The following SMYD3 variants were observed in gnomAD, a reference collection of about 807,000 sequenced individuals.
SMYD3 encodes the protein histone-lysine N-methyltransferase SMYD3.
In SMYD3, 36 loss-of-function variants were observed where a neutral mutation model predicts 57.7. The ratio of observed to expected loss-of-function variants is 0.62; its 90% confidence interval spans 0.48 to 0.82. The LOEUF is 0.82. Ranked by LOEUF, SMYD3 falls within the 40% of genes least tolerant of loss-of-function variation. The pLI is 0.00. For missense variants in SMYD3, 515 were observed against 538.8 expected (o/e 0.96, Z 0.44); for synonymous variants, 211 against 195.0 (o/e 1.08, Z -0.68).
At chr1:245,993,297 GA>G (rs1167118697) in intron 5 of SMYD3, among the ~76,000 whole-genome samples, 1 of 152,008 alleles carries the variant, frequency 6.6e-6, no homozygotes, top group Non-Finnish European at 1.5e-5. Context: ...GTCAGGATTC[GA>G]ACCTAAGTGG....
intron 10 of SMYD3, among the ~76,000 whole-genome samples, chr1:245,821,080 C>G (rs1456821702): frequency 6.7e-6 from 1 of 150,302 alleles, no homozygotes; most frequent in Middle Eastern, 3.4e-3. Context: ...AAAGAGCCTG[C>G]ATCTCCAAGT....
intron 1 of SMYD3, among the ~76,000 whole-genome samples, chr1:246,358,112 G>A (rs1411249124): frequency 6.6e-6 from 1 of 152,092 alleles, no homozygotes; most frequent in Non-Finnish European, 1.5e-5. Context: ...AAGGTAAAGG[G>A]GTGGAAAATG....
At chr1:245,876,241 G>A (rs1049478103) in intron 8 of SMYD3, among the ~76,000 whole-genome samples, 3 of 152,154 alleles carry the variant, frequency 2.0e-5, no homozygotes, top group African/African-American at 7.2e-5. Flanking sequence ...TCTCCTCTTT[G>A]CTGTAAGGGC....
chr1:246,147,916 C>G (rs1010310464), intron 5 of SMYD3, among the ~76,000 whole-genome samples: 1 of 152,174 alleles, frequency 6.6e-6, no homozygotes, highest in African/African-American at 2.4e-5. Context: ...ACCCGCCCCC[C>G]ACTTCATCCC....
At chr1:245,758,248 C>T (rs565004477) in intron 11 of SMYD3, among the ~76,000 whole-genome samples, 2 of 152,170 alleles carry the variant, frequency 1.3e-5, no homozygotes, top group South Asian at 4.2e-4. Flanking sequence ...TATCCTGCTA[C>T]CTTGCTTAAT....
intron 5 of SMYD3, among the ~76,000 whole-genome samples, chr1:245,978,104 G>T (rs1352483160): frequency 6.6e-6 from 1 of 152,194 alleles, no homozygotes; most frequent in Non-Finnish European, 1.5e-5. Context: ...TGTAGGAGCT[G>T]AGTGAACATG....
rs902679606 is a variant in SMYD3, at chr1:246,315,633, C to T, written c.531+11568G>A. On this transcript the variant is annotated intron_variant, in intron 5 of 11. Transcript: ENST00000490107. ...AGGACACGCTGATACGTTGTTGGAA[C>T]GCTCTGGTTATAAAGCTCTTCTAGA... Among the ~76,000 whole-genome samples the T allele has an allele frequency of 1.1e-4, 17 of 152,220 alleles. 1 individual carries two copies. The highest frequency in any genetic ancestry group is 3.9e-4 in the African/African-American group (16 of 41,552).
At chr1:246,468,160 T>TAAAA (rs58291905) in intron 1 of SMYD3, among the ~76,000 whole-genome samples, 3 of 130,472 alleles carry the variant, frequency 2.3e-5, no homozygotes, top group African/African-American at 5.7e-5. Flanking sequence ...GACTCTGTCT[T>TAAAA]AAAAAAAAAA....
intron 5 of SMYD3, among the ~76,000 whole-genome samples, chr1:246,046,622 A>T (rs1305463888): frequency 2.0e-5 from 3 of 148,556 alleles, no homozygotes; most frequent in East Asian, 3.9e-4. Context: ...CTTAAAATGC[A>T]ATAAAATATA....
At chr1:246,043,468 C>T (rs1053024256) in intron 5 of SMYD3, among the ~76,000 whole-genome samples, 1 of 152,156 alleles carries the variant, frequency 6.6e-6, no homozygotes, top group Non-Finnish European at 1.5e-5. Context: ...ACAACCAAAA[C>T]AAGGTGACTA....
chr1:245,979,418 T>C (rs1157596615), intron 5 of SMYD3, among the ~76,000 whole-genome samples: 1 of 152,120 alleles, frequency 6.6e-6, no homozygotes. Flanking sequence ...TAGGAAAAGA[T>C]CACACTAGAG....
At chr1:246,267,096 A>T (rs913686373) in intron 5 of SMYD3, among the ~76,000 whole-genome samples, 1 of 152,176 alleles carries the variant, frequency 6.6e-6, no homozygotes, top group Admixed American at 6.5e-5. Flanking sequence ...ATTCACTTTG[A>T]AACTTTTTAT....
At chr1:245,961,701 T>C (rs2058013385) in intron 5 of SMYD3, among the ~76,000 whole-genome samples, 1 of 152,142 alleles carries the variant, frequency 6.6e-6, no homozygotes, top group Non-Finnish European at 1.5e-5. Flanking sequence ...CACACAGTGC[T>C]CTAAGGAACC....
intron 8 of SMYD3, among the ~76,000 whole-genome samples, chr1:245,911,549 C>A (rs765521973): frequency 3.3e-5 from 5 of 150,840 alleles, no homozygotes; most frequent in Admixed American, 2.0e-4. Context: ...GAATATAGTT[C>A]CTCTATGAAA....
intron 5 of SMYD3, among the ~76,000 whole-genome samples, chr1:246,108,472 C>G (rs7525443): frequency 0.18 from 26,991 of 152,110 alleles, 3,111 homozygotes; most frequent in East Asian, 0.41. Flanking sequence ...CCCTCTTCAA[C>G]AATCTTTGCT....
intron 5 of SMYD3, among the ~76,000 whole-genome samples, chr1:246,146,399 A>C (rs527401346): frequency 6.6e-6 from 1 of 152,318 alleles, no homozygotes; most frequent in Non-Finnish European, 1.5e-5. Context: ...ACCTCAGTAG[A>C]ACACGTACCT....
At chr1:246,150,065 G>T (rs1402236683) in intron 5 of SMYD3, among the ~76,000 whole-genome samples, 2 of 152,130 alleles carry the variant, frequency 1.3e-5, no homozygotes, top group African/African-American at 4.8e-5. Context: ...ACCTTACAGG[G>T]ATTGATTCTA....
At chr1:245,920,071 T>C (rs537883010) in intron 7 of SMYD3, among the ~76,000 whole-genome samples, 11 of 152,244 alleles carry the variant, frequency 7.2e-5, no homozygotes, top group African/African-American at 2.6e-4. Flanking sequence ...CCCAGCACTT[T>C]GGGAGGCCAA....
chr1:246,229,790 A>G (rs1350923558), intron 5 of SMYD3, among the ~76,000 whole-genome samples: 2 of 152,240 alleles, frequency 1.3e-5, no homozygotes, highest in Non-Finnish European at 2.9e-5. Flanking sequence ...ACCTGTTAAT[A>G]CTGATATAGT....
Sources: allele counts gnomAD v4.1 joint callset (sites outside exome capture counted in the v4.1 genomes callset), GRCh38; gene constraint gnomAD v4.1.1; transcripts MANE v1.5; gene names NCBI Gene and HGNC (gene_info 2026-07-23, HGNC 2026-07-21).